ZNF131: variants seen among roughly 807,000 people sequenced by gnomAD.
ZNF131 encodes the protein zinc finger and BTB domain containing 35.
Under a neutral mutation model 60.0 loss-of-function variants are expected in ZNF131, and 7 were observed. That is an observed-to-expected ratio of 0.12 (90% CI 0.07 to 0.22). The LOEUF (loss-of-function observed/expected upper bound fraction) is 0.22. Among genes scored for constraint, ZNF131 ranks in the 10% least tolerant of loss-of-function variants. ZNF131 has a pLI of 1.00. For synonymous variants in ZNF131, 257 were observed against 253.2 expected (o/e 1.01, Z -0.14); for missense variants, 493 against 740.9 (o/e 0.67, Z 3.88).
chr5:43,122,008 G>T, intron 1 of ZNF131, 31 bp from the exon 2 acceptor site: 1 of 1,606,260 alleles, frequency 6.2e-7, no homozygotes, highest in Non-Finnish European at 8.5e-7. Context: ...TCGAGCTCAT[G>T]GGTGTACATT....
Position 43,139,112 on chromosome 5 carries a change from T to G in ZNF131, c.227-53T>G, listed in dbSNP as rs1004386871. ...GGGCTTTTCTTTCTTTACTAAACAT[T>G]GTAAGATTTGAGTCAATATGATTAC... On this transcript the variant is annotated intron_variant, in intron 3 of 6. Transcript: ENST00000682664. 4.4e-6 allele frequency: 6 copies of G among 1,378,144 alleles called. 1 individual carries two copies. The East Asian group carries it at 1.1e-4, about 24-fold the overall frequency. The allele number at this position is 1,378,144 out of a possible 1,614,324, so 85.4% of individuals were successfully genotyped here.
chr5:43,160,678 C>CTTTGTTTTTTT (rs1749571346), intron 4 of ZNF131, among the ~76,000 whole-genome samples: 1 of 93,032 alleles, frequency 1.1e-5, no homozygotes, highest in Non-Finnish European at 2.1e-5. Context: ...TAGCTTGGAA[C>CTTTGTTTTTTT]TTTTTTTTTT....
chr5:43,141,759 C>A (rs540760982), intron 4 of ZNF131, among the ~76,000 whole-genome samples: 1 of 138,214 alleles, frequency 7.2e-6, no homozygotes, highest in East Asian at 2.5e-4. Flanking sequence ...GAGAATGAGA[C>A]CCTGTCTCAA....
chr5:43,133,316 T>G (rs1745603570), intron 3 of ZNF131, among the ~76,000 whole-genome samples: 1 of 151,926 alleles, frequency 6.6e-6, no homozygotes, highest in African/African-American at 2.4e-5. Flanking sequence ...ATACAAAAAA[T>G]TAGCCAGGCG....
intron 4 of ZNF131, among the ~76,000 whole-genome samples, chr5:43,160,713 C>T (rs1167562742): frequency 6.2e-4 from 71 of 115,048 alleles, no homozygotes; most frequent in African/African-American, 2.2e-3. Flanking sequence ...GACAGAGTTT[C>T]GCTCTTGTCG....
In ZNF131 at chr5:43,174,960, G is replaced by C; in HGVS notation, c.1699G>C (p.Val567Leu). The change falls in exon 7 of 7, where the codon GTG becomes CTG. Residue 567 changes from valine (V) to leucine (L), a missense_variant. Val to Leu is a conservative substitution (Grantham distance 32, BLOSUM62 1). Transcript: ENST00000682664. ...TELLEADLDHVTPEIMNQEER... is the reference protein window; with the variant it reads ...TELLEADLDHLTPEIMNQEER... ...ACTTCTAGAAGCAGATTTGGACCACGTGACCCCAGAAATCATGAACCAAGA... is the reference window on the plus strand; with the variant it reads ...ACTTCTAGAAGCAGATTTGGACCACCTGACCCCAGAAATCATGAACCAAGA... The C allele has an allele frequency of 6.2e-7, 1 of 1,614,110 alleles. No homozygotes were observed. The highest frequency in any genetic ancestry group is 1.1e-5 in the South Asian group (1 of 91,076).
intron 4 of ZNF131, among the ~76,000 whole-genome samples, chr5:43,156,243 T>A (rs1407746651): frequency 6.6e-6 from 1 of 152,150 alleles, no homozygotes; most frequent in African/African-American, 2.4e-5. Context: ...AAAATGCAAG[T>A]CCATCCTCTC....
chr5:43,144,548 C>T (rs1376819520), intron 4 of ZNF131, among the ~76,000 whole-genome samples: 1 of 152,068 alleles, frequency 6.6e-6, no homozygotes, highest in Non-Finnish European at 1.5e-5. Flanking sequence ...CTTTTTAAAG[C>T]CCCCTATGAA....
At position 43,175,657 on chromosome 5, in the gene ZNF131, C is replaced by T. The variant is rs1304584199; in HGVS notation, c.*524C>T. ...TTTGAACAAACGTTCTTGTCTACCC[C>T]AGTAGTCACAGATGCCATCTTTGCA... On this transcript the variant is annotated 3_prime_UTR_variant, in exon 7 of 7. Coordinates refer to ENST00000682664, the MANE Select transcript of ZNF131 (RefSeq NM_001330707.2). 1 of 435,384 alleles carries T rather than the reference C, an allele frequency of 2.3e-6. No individual in the cohort carries two copies. Among genetic ancestry groups the T allele is most frequent in the African/African-American group, 2.1e-5 (1 of 47,716 alleles). The allele number at this position is 435,384 out of a possible 1,614,324, so 27.0% of individuals were successfully genotyped here. A position where few individuals can be genotyped will look rare whatever the true frequency, so the allele number is the denominator to read the frequency against.
chr5:43,130,432 T>A (rs966583672), intron 3 of ZNF131, among the ~76,000 whole-genome samples: 4 of 152,160 alleles, frequency 2.6e-5, no homozygotes, highest in African/African-American at 9.7e-5. Context: ...TTCAAAATGA[T>A]ATTTTTTCTT....
intron 4 of ZNF131, among the ~76,000 whole-genome samples, chr5:43,142,849 G>T (rs1367192211): frequency 6.6e-6 from 1 of 151,814 alleles, no homozygotes; most frequent in Admixed American, 6.6e-5. Context: ...TTGCCACCAT[G>T]CCTGGCTAAT....
In ZNF131 at chr5:43,176,089, G is replaced by C. The variant is rs1751539942; in HGVS notation, c.*956G>C. The C allele has an allele frequency of 6.6e-6, 1 of 152,224 alleles. No homozygotes were observed. The highest frequency in any genetic ancestry group is 1.5e-5 in the Non-Finnish European group (1 of 68,048). 9.4% of individuals were successfully genotyped at this position (152,224 alleles called of 1,614,324 possible). A position where few individuals can be genotyped will look rare whatever the true frequency, so the allele number is the denominator to read the frequency against. On this transcript the variant is annotated 3_prime_UTR_variant, in exon 7 of 7. Transcript: ENST00000682664. ...GACATGTATATAATTATCAGGCTTTGTTTTGAATGGAATCTTTTCCCCCAA... is the reference window on the plus strand; with the variant it reads ...GACATGTATATAATTATCAGGCTTTCTTTTGAATGGAATCTTTTCCCCCAA...
chr5:43,168,468 G>T (rs1270186753), intron 5 of ZNF131, among the ~76,000 whole-genome samples: 1 of 152,208 alleles, frequency 6.6e-6, no homozygotes, highest in Non-Finnish European at 1.5e-5. Context: ...GGCCAAAGGG[G>T]TTGGAAGGGC....
At chr5:43,173,524 G>C (rs1751243773) in intron 6 of ZNF131, 76 bp downstream of exon 6, 21 of 1,533,114 alleles carry the variant, frequency 1.4e-5, no homozygotes, top group Non-Finnish European at 1.8e-5. Context: ...AAGGGAAACA[G>C]AGTCTCAAGC....
At chr5:43,160,192 A>C (rs1224430943) in intron 4 of ZNF131, among the ~76,000 whole-genome samples, 3 of 148,188 alleles carry the variant, frequency 2.0e-5, no homozygotes, top group Non-Finnish European at 3.0e-5. Flanking sequence ...ACAAAACAAA[A>C]AAAAAAACAA....
At chr5:43,126,100 ATAGT>A (rs759104449) in intron 3 of ZNF131, among the ~76,000 whole-genome samples, 3 of 152,222 alleles carry the variant, frequency 2.0e-5, no homozygotes, top group Admixed American at 6.5e-5. Flanking sequence ...CCCTGGGCAT[ATAGT>A]TAGTTAGAAA....
chr5:43,147,503 C>G lies in ZNF131; in HGVS notation c.371+8194C>G, dbSNP rs997762200. ...CGTGATCTCGGCTCACTGCGAGCTC[C>G]GCCTCCCGGGTTCACGCCATTCTCC... On this transcript the variant is annotated intron_variant, in intron 4 of 6. Transcript: ENST00000682664. Among the ~76,000 whole-genome samples the G allele has an allele frequency of 2.6e-5, 4 of 151,562 alleles. No individual in the cohort carries two copies. The East Asian group carries it at 7.8e-4, about 30-fold the overall frequency.
intron 3 of ZNF131, among the ~76,000 whole-genome samples, chr5:43,138,792 G>C (rs886857891): frequency 5.3e-5 from 8 of 152,160 alleles, no homozygotes; most frequent in African/African-American, 1.9e-4. Flanking sequence ...TAAAGTCAGA[G>C]AGGTACTAAA....
At chr5:43,145,703 A>G (rs1403664324) in intron 4 of ZNF131, among the ~76,000 whole-genome samples, 1 of 152,156 alleles carries the variant, frequency 6.6e-6, no homozygotes, top group Non-Finnish European at 1.5e-5. Flanking sequence ...CAACACTTGT[A>G]CTTGAAAAGA....
Sources: gnomAD v4.1 joint callset for allele counts (sites outside exome capture counted in the v4.1 genomes callset) on GRCh38, gnomAD v4.1.1 for gene constraint, MANE v1.5 for transcripts, NCBI Gene and HGNC (gene_info 2026-07-23, HGNC 2026-07-21) for gene names.